SBF1: variants seen among roughly 807,000 people sequenced by gnomAD.
The protein encoded by SBF1 is myotubularin-related protein 5.
Under a neutral mutation model 215.8 loss-of-function variants are expected in SBF1, and 65 were observed. The ratio of observed to expected loss-of-function variants is 0.30; its 90% confidence interval spans 0.25 to 0.37. The LOEUF (loss-of-function observed/expected upper bound fraction) is 0.37. Among genes scored for constraint, SBF1 ranks in the 10% least tolerant of loss-of-function variants. The pLI, the probability that SBF1 is intolerant of heterozygous loss-of-function variation, is 1.00. For missense variants in SBF1, 2,634 were observed against 2,667.8 expected (o/e 0.99, Z 0.28); for synonymous variants, 1,410 against 1,122.8 (o/e 1.26, Z -5.11).
chr22:50,468,379 C>T lies in SBF1; in HGVS notation c.138G>A (p.Glu46=), dbSNP rs2148607266. 6.2e-7 allele frequency: 1 copy of T among 1,612,812 alleles called. No homozygotes were observed. The highest frequency in any genetic ancestry group is 8.5e-7 in the Non-Finnish European group (1 of 1,179,370). ...WEDNPFPQGI[E]LFCQPSGWQL... ...TCTCAGCACGCCCCCAACTCACCAG[C>T]TCGATGCCCTGGGGGAATGGGTTGT... The change falls in exon 2 of 41, where the codon GAG becomes GAA. Residue 46 remains glutamate (E), a synonymous_variant. Coordinates refer to ENST00000380817, the MANE Select transcript of SBF1 (RefSeq NM_002972.4).
chr22:50,464,300 G>A lies in SBF1; in HGVS notation c.1749+29C>T, dbSNP rs766101258. On this transcript the variant is annotated intron_variant, in intron 15 of 40. Transcript: ENST00000380817. ...GGTCTCCTCTGAAACCCGCTGCCCT[G>A]GCCCGGCTGGAGCCTGCACAGCCCT... The A allele has an allele frequency of 1.9e-6, 3 of 1,577,070 alleles. No homozygotes were observed. In the South Asian group the frequency reaches 3.4e-5, roughly 18 times the overall value.
At chr22:50,461,923 A>G (rs767441539) in intron 20 of SBF1, 24 bp downstream of exon 20, 1 of 1,613,898 alleles carries the variant, frequency 6.2e-7, no homozygotes, top group South Asian at 1.1e-5. Context: ...TCCAAGGGGG[A>G]ATCACCAGCC....
At chr22:50,460,833 C>A in intron 23 of SBF1, 121 bp from the exon 24 acceptor site, 2 of 1,125,842 alleles carry the variant, frequency 1.8e-6, no homozygotes, top group South Asian at 1.4e-5. Flanking sequence ...AGGCCCCAGG[C>A]AAAGGCCTGT....
chr22:50,461,445 A>C, intron 22 of SBF1, 78 bp downstream of exon 22: 1 of 1,499,062 alleles, frequency 6.7e-7, no homozygotes, highest in Non-Finnish European at 8.9e-7. Context: ...GAAAAGGGAG[A>C]GGGAGGCAGG....
At chr22:50,452,168 C>T (rs1457345507) in intron 36 of SBF1, among the ~76,000 whole-genome samples, 3 of 150,338 alleles carry the variant, frequency 2.0e-5, no homozygotes, top group Non-Finnish European at 3.0e-5. Flanking sequence ...AAAGAAGCAG[C>T]TGTCAACCTA....
At chr22:50,463,045 C>G (rs2067589096) in intron 16 of SBF1, 107 bp from the exon 17 acceptor site, 1 of 1,270,476 alleles carries the variant, frequency 7.9e-7, no homozygotes, top group African/African-American at 1.5e-5. Flanking sequence ...CACCTGACAC[C>G]CTTGGCTCCA....
intron 36 of SBF1, among the ~76,000 whole-genome samples, chr22:50,453,554 G>A (rs1034758599): frequency 3.3e-5 from 5 of 152,188 alleles, no homozygotes; most frequent in Non-Finnish European, 5.9e-5. Context: ...TTGGGAGGCC[G>A]AGGCAGGTGG....
intron 23 of SBF1, 27 bp downstream of exon 23, chr22:50,461,132 G>T: frequency 6.4e-7 from 1 of 1,570,784 alleles, no homozygotes. Flanking sequence ...CGGGGGATGA[G>T]AGCCCCACCC....
In SBF1 at chr22:50,454,593, G is replaced by C. The variant is rs748855502; in HGVS notation, c.4962C>G (p.Pro1654=). ...GCCACACCACGCGGCGCCTGCTCTGGGGAGCGCCTCCATCAGACCGTTCTT... is the reference window on the plus strand; with the variant it reads ...GCCACACCACGCGGCGCCTGCTCTGCGGAGCGCCTCCATCAGACCGTTCTT... ...PEEERSDGGA[P]QSRRRVVWPC... Residue 1654 remains proline (P), a synonymous_variant, in exon 36 of 41, where the codon CCC becomes CCG. Coordinates refer to ENST00000380817, the MANE Select transcript of SBF1 (RefSeq NM_002972.4). The C allele has an allele frequency of 3.1e-6, 5 of 1,610,868 alleles. 1 individual carries two copies. The highest frequency in any genetic ancestry group is 2.2e-5 in the East Asian group (1 of 44,882).
rs1313166804 is a variant in SBF1, at chr22:50,446,852, C to T, written c.*290G>A. On this transcript the variant is annotated 3_prime_UTR_variant, in exon 41 of 41. Coordinates refer to ENST00000380817, the MANE Select transcript of SBF1 (RefSeq NM_002972.4). ...ATAGACTCTGGTTCTAGAAACTCGC[C>T]TGCAGCCGCTGGCTGGACCAGCACA... 1.4e-6 allele frequency: 1 copy of T among 735,098 alleles called. No homozygotes were observed. Among genetic ancestry groups the T allele is most frequent in the Non-Finnish European group, 2.5e-6 (1 of 399,892 alleles). The allele number at this position is 735,098 out of a possible 1,614,324, so 45.5% of individuals were successfully genotyped here.
At chr22:50,469,611 C>A (rs1401234158) in intron 1 of SBF1, among the ~76,000 whole-genome samples, 2 of 152,188 alleles carry the variant, frequency 1.3e-5, no homozygotes, top group Non-Finnish European at 2.9e-5. Flanking sequence ...CCTTCTCCTC[C>A]ACACAAACCG....
chr22:50,450,547 T>C (rs925139930), intron 36 of SBF1, among the ~76,000 whole-genome samples: 25 of 149,306 alleles, frequency 1.7e-4, no homozygotes, highest in Non-Finnish European at 3.6e-4. Context: ...AACTATGAGC[T>C]GAACCCAAAT....
rs768359222 is a variant in SBF1, at chr22:50,460,642, T to C, written c.3038A>G (p.Lys1013Arg). ...SAELFRKQLH[K>R]LRYPPDIRAT... ...CCTGATGTCCGGCGGGTACCGCAGC[T>C]TATGCAGCTGCTTACGGAAGAGCTC... is the stretch of plus-strand genomic sequence containing the variant. Residue 1013 changes from lysine (K) to arginine (R), a missense_variant, in exon 24 of 41, where the codon AAG becomes AGG. Transcript: ENST00000380817. The C allele has an allele frequency of 1.9e-6, 3 of 1,613,924 alleles. No individual in the cohort carries two copies. The highest frequency in any genetic ancestry group is 2.2e-5 in the East Asian group (1 of 44,892).
chr22:50,452,313 G>A (rs969698722), intron 36 of SBF1, among the ~76,000 whole-genome samples: 3 of 152,180 alleles, frequency 2.0e-5, no homozygotes, highest in Non-Finnish European at 2.9e-5. Flanking sequence ...AGGCTGAAGA[G>A]AAATAATAAC....
chr22:50,473,396 T>C (rs748828257), intron 1 of SBF1, among the ~76,000 whole-genome samples: 13 of 152,156 alleles, frequency 8.5e-5, no homozygotes, highest in East Asian at 1.9e-4. Flanking sequence ...CAGCTCCCTC[T>C]GTGGGTCAAG....
intron 23 of SBF1, 25 bp from the exon 24 acceptor site, chr22:50,460,737 G>A (rs775785287): frequency 5.0e-6 from 8 of 1,602,570 alleles, no homozygotes; most frequent in South Asian, 3.3e-5. Flanking sequence ...GCAGCCCTTA[G>A]GGGTGTGGGT....
chr22:50,454,747 G>A lies in SBF1; in HGVS notation c.4813-5C>T, dbSNP rs2067180025. The A allele has an allele frequency of 1.3e-6, 2 of 1,586,716 alleles. No individual in the cohort carries two copies. The highest frequency in any genetic ancestry group is 1.7e-6 in the Non-Finnish European group (2 of 1,169,190). Reference sequence around the variant, plus strand: ...GTTGCTGTAGGGCCGCAGGACCTGAGGGTGGGCCTGTGGTTGAGGACCTGG... The same window carrying A: ...GTTGCTGTAGGGCCGCAGGACCTGAAGGTGGGCCTGTGGTTGAGGACCTGG... On this transcript the variant is annotated splice_region_variant and splice_polypyrimidine_tract_variant and intron_variant, in intron 35 of 40. Coordinates refer to ENST00000380817, the MANE Select transcript of SBF1 (RefSeq NM_002972.4).
intron 7 of SBF1, 26 bp downstream of exon 7, chr22:50,466,324 G>A (rs2067752733): frequency 3.7e-6 from 6 of 1,600,598 alleles, no homozygotes; most frequent in Non-Finnish European, 5.1e-6. Context: ...CAGGAGAAGG[G>A]GCTGGGAGGG....
chr22:50,459,799 A>G, intron 26 of SBF1, 133 bp from the exon 27 acceptor site: 1 of 1,309,398 alleles, frequency 7.6e-7, no homozygotes, highest in South Asian at 1.4e-5. Flanking sequence ...GGGGCCCCCC[A>G]GCCACCCCCC....
Sources: gnomAD v4.1 joint callset for allele counts (sites outside exome capture counted in the v4.1 genomes callset) on GRCh38, gnomAD v4.1.1 for gene constraint, MANE v1.5 for transcripts, NCBI Gene and HGNC (gene_info 2026-07-23, HGNC 2026-07-21) for gene names.